The following YLPM1 variants were observed in gnomAD, a reference collection of about 807,000 sequenced individuals.
YLPM1 encodes YLP motif-containing protein 1.
YLPM1 carries 99 observed loss-of-function variants against 230.0 expected under a neutral mutation model. The ratio of observed to expected loss-of-function variants is 0.43; its 90% CI spans 0.37 to 0.51. YLPM1 has a LOEUF of 0.51. YLPM1 is among the 20% of genes least tolerant of loss of function. The pLI is 0.00. For synonymous variants in YLPM1, 984 were observed against 942.5 expected (o/e 1.04, Z -0.81); for missense variants, 2,592 against 2,707.7 (o/e 0.96, Z 0.95).
Position 74,798,053 on chromosome 14 carries a change from T to C in YLPM1, c.2756T>C (p.Val919Ala), listed in dbSNP as rs1441959413. The change falls in exon 5 of 21, where the codon GTA (valine) becomes GCA (alanine). Residue 919 changes from valine to alanine, a missense_variant. Val to Ala is a moderately conservative substitution (Grantham distance 64, BLOSUM62 0). Coordinates refer to ENST00000325680, the MANE Select transcript of YLPM1 (RefSeq NM_019589.3). Reference sequence around the variant, plus strand: ...AAAAGTGAAGTCTCGGAAGGGCCCGTAGAGCCCTCTAATTGGGACCAGAAT... The same window carrying C: ...AAAAGTGAAGTCTCGGAAGGGCCCGCAGAGCCCTCTAATTGGGACCAGAAT... ...PPKSEVSEGPVEPSNWDQNVQ... is the reference protein window; with the variant it reads ...PPKSEVSEGPAEPSNWDQNVQ... 7.4e-6 allele frequency: 12 copies of C among 1,613,756 alleles called. No individual in the cohort carries two copies. The highest frequency in any genetic ancestry group is 1.3e-5 in the African/African-American group (1 of 74,862).
At chr14:74,820,837 G>A (rs189157680) in intron 16 of YLPM1, among the ~76,000 whole-genome samples, 128 of 152,300 alleles carry the variant, frequency 8.4e-4, no homozygotes, top group African/African-American at 2.8e-3. Flanking sequence ...TAACTTTACA[G>A]GGAATTGTAC....
At position 74,763,883 on chromosome 14, in the gene YLPM1, C is replaced by A; in HGVS notation, c.394C>A (p.Arg132=). 2 of 1,549,816 alleles carry A rather than the reference C, an allele frequency of 1.3e-6. No individual in the cohort carries two copies. The highest frequency in any genetic ancestry group is 1.7e-6 in the Non-Finnish European group (2 of 1,149,250). The change falls in exon 1 of 21, where the codon CGA becomes AGA. Residue 132 remains arginine (R), a synonymous_variant. Transcript: ENST00000325680. ...CAAACACCAGATGCTCCACCACCAA[C>A]GAGACGGGCCTCCTGGTTTGGTTCC... ...QYKHQMLHHQ[R]DGPPGLVPME... is the part of the protein sequence containing the mutation.
At chr14:74,835,184 C>G (rs1002712790) in intron 19 of YLPM1, 81 bp from the exon 20 acceptor site, 1 of 1,545,178 alleles carries the variant, frequency 6.5e-7, no homozygotes, top group African/African-American at 1.4e-5. Context: ...TCATTCTACC[C>G]CTTAGACTGT....
chr14:74,815,993 T>C (rs1452468894), intron 11 of YLPM1, among the ~76,000 whole-genome samples: 2 of 152,168 alleles, frequency 1.3e-5, no homozygotes, highest in African/African-American at 4.8e-5. Flanking sequence ...GTTTCTCTAA[T>C]TTTTTCTTAC....
At chr14:74,810,550 A>G in intron 9 of YLPM1, 130 bp downstream of exon 9, 1 of 953,688 alleles carries the variant, frequency 1.0e-6, no homozygotes, top group South Asian at 1.9e-5. Context: ...GGGGAAGAAC[A>G]ATTCTGGACC....
Position 74,764,181 on chromosome 14 carries a change from C to G in YLPM1, c.692C>G (p.Ser231Cys), listed in dbSNP as rs540168837. The change falls in exon 1 of 21, where the codon TCT becomes TGT. Residue 231 changes from serine to cysteine, a missense_variant. Physicochemically the swap from Ser to Cys is moderately radical, Grantham distance 112. This residue lies in a region of YLPM1 where 1,862 missense variants were observed against 1,819.8 expected (regional missense o/e 1.02). Coordinates refer to ENST00000325680, the MANE Select transcript of YLPM1 (RefSeq NM_019589.3). The part of the protein sequence containing the change: ...SQSYLPSSQA[S>C]PSRPSQGHSK... ...TCCTACTTGCCCTCTTCTCAGGCAT[C>G]TCCTTCCCGCCCCTCCCAGGGCCAT... The G allele has an allele frequency of 2.5e-6, 4 of 1,613,660 alleles. No individual in the cohort carries two copies. The Admixed American group carries it at 5.0e-5, about 20-fold the overall frequency.
At chr14:74,827,598 T>C in intron 18 of YLPM1, 4 of 985,462 alleles carry the variant, frequency 4.1e-6, no homozygotes, top group Non-Finnish European at 4.8e-6. Context: ...GCTGCCTGGC[T>C]GTGCTCTGTT....
rs750776899 is a variant in YLPM1, at chr14:74,809,836, G to A, written c.4939+39G>A. 6 of 1,609,926 alleles carry A rather than the reference G, an allele frequency of 3.7e-6. No homozygotes were observed. The Admixed American group carries it at 8.5e-5, about 23-fold the overall frequency. ...GTGCACTTGTATTTGGGATTCTACA[G>A]GAATTGTTAGCTTCAGCTTTAGCTT... On this transcript the variant is annotated intron_variant, in intron 7 of 20. Transcript: ENST00000325680.
chr14:74,778,364 C>T (rs2091061949), intron 1 of YLPM1, 83 bp from the exon 2 acceptor site: 2 of 1,201,160 alleles, frequency 1.7e-6, no homozygotes, highest in Non-Finnish European at 2.4e-6. Flanking sequence ...TGAACACAGA[C>T]ATAAAGATAG....
At chr14:74,795,409 TC>T (rs925451379) in intron 4 of YLPM1, among the ~76,000 whole-genome samples, 1 of 152,202 alleles carries the variant, frequency 6.6e-6, no homozygotes, top group African/African-American at 2.4e-5. Context: ...TTCATTGATT[TC>T]CCAAAGAAAT....
chr14:74,808,708 G>A (rs776317677), intron 6 of YLPM1, among the ~76,000 whole-genome samples: 3 of 151,844 alleles, frequency 2.0e-5, no homozygotes, highest in East Asian at 1.9e-4. Flanking sequence ...GAAGGCTGAG[G>A]CAGGAGAATC....
rs201043835 is a variant in YLPM1 at position 74,797,701 on chromosome 14, G to A, written c.2404G>A (p.Ala802Thr). 1.9e-4 allele frequency: 304 copies of A among 1,613,358 alleles called. No homozygotes were observed. Among genetic ancestry groups the A allele is most frequent in the Non-Finnish European group, 2.5e-4 (290 of 1,179,656 alleles). ...AAGACCCAGATATGAAGGTCACCCA[G>A]CAGAGGGCACTAAAAGCAAGTGGGG... ...GPRPRYEGHP[A>T]EGTKSKWGMI... Residue 802 changes from alanine (A) to threonine (T), a missense_variant, in exon 5 of 21, where the codon GCA becomes ACA. Coordinates refer to ENST00000325680, the MANE Select transcript of YLPM1 (RefSeq NM_019589.3).
intron 5 of YLPM1, among the ~76,000 whole-genome samples, chr14:74,800,162 C>T (rs1190138390): frequency 6.6e-6 from 1 of 152,200 alleles, no homozygotes; most frequent in Non-Finnish European, 1.5e-5. Flanking sequence ...TTAGGAGCAT[C>T]CTCAGATTTG....
At chr14:74,803,454 C>T (rs2091347511) in intron 6 of YLPM1, among the ~76,000 whole-genome samples, 2 of 152,178 alleles carry the variant, frequency 1.3e-5, no homozygotes, top group Non-Finnish European at 2.9e-5. Flanking sequence ...CAAATTAACA[C>T]TTTTCATTTC....
chr14:74,767,792 A>G (rs2090928082), intron 1 of YLPM1, among the ~76,000 whole-genome samples: 1 of 150,652 alleles, frequency 6.6e-6, no homozygotes, highest in Admixed American at 6.6e-5. Flanking sequence ...ATGGTGTCAC[A>G]TTTGACTTGT....
chr14:74,831,131 CATTT>C (rs2091606175), intron 19 of YLPM1, among the ~76,000 whole-genome samples: 1 of 152,104 alleles, frequency 6.6e-6, no homozygotes, highest in Non-Finnish European at 1.5e-5. Flanking sequence ...TCTCATTTTT[CATTT>C]ATTTACTAAG....
At chr14:74,768,899 GT>G (rs949275126) in intron 1 of YLPM1, among the ~76,000 whole-genome samples, 2 of 147,490 alleles carry the variant, frequency 1.4e-5, no homozygotes, top group African/African-American at 2.5e-5. Context: ...TTTGTTTTTT[GT>G]TTTTTTTTTA....
chr14:74,829,870 A>G (rs113244629), intron 19 of YLPM1, among the ~76,000 whole-genome samples: 89 of 152,340 alleles, frequency 5.8e-4, no homozygotes, highest in African/African-American at 2.1e-3. Flanking sequence ...TAAGTTAGAA[A>G]TATAAGTGAA....
intron 4 of YLPM1, among the ~76,000 whole-genome samples, chr14:74,795,283 T>C (rs1250516051): frequency 6.6e-6 from 1 of 152,182 alleles, no homozygotes; most frequent in Non-Finnish European, 1.5e-5. Context: ...GTGGAATCAT[T>C]TGTTGTGTCC....
Sources: allele counts gnomAD v4.1 joint callset (sites outside exome capture counted in the v4.1 genomes callset), GRCh38; gene constraint gnomAD v4.1.1; regional missense constraint gnomAD v4.1.1; transcripts MANE v1.5; gene names NCBI Gene and HGNC (gene_info 2026-07-23, HGNC 2026-07-21).